Variants in CSMD1 observed in about 807,000 individuals in gnomAD.
CSMD1 encodes the protein CUB and sushi domain-containing protein 1.
In CSMD1, 213 loss-of-function variants were observed where a neutral mutation model predicts 417.5. The observed-to-expected ratio is 0.51, with a 90% CI of 0.46 to 0.57. The LOEUF (loss-of-function observed/expected upper bound fraction) is 0.57, where lower values mean the gene tolerates loss of function less well. Among genes scored for constraint, CSMD1 ranks in the 20% least tolerant of loss-of-function variants. CSMD1 has a pLI of 0.00. For missense variants in CSMD1, 6,923 were observed against 4,529.7 expected, an observed-to-expected ratio of 1.53 and a Z score of -15.17; for synonymous variants, 2,862 against 1,736.8, an observed-to-expected ratio of 1.65 and a Z score of -16.11.
chr8:3,610,633 T>G (rs1168871177), intron 8 of CSMD1, among the ~76,000 whole-genome samples: 1 of 152,118 alleles, frequency 6.6e-6, no homozygotes, highest in African/African-American at 2.4e-5. Flanking sequence ...ATAGATGACA[T>G]TCACTTCAAT....
intron 25 of CSMD1, among the ~76,000 whole-genome samples, chr8:3,290,226 G>C (rs1041502873): frequency 2.0e-5 from 3 of 147,304 alleles, no homozygotes; most frequent in East Asian, 2.0e-4. Flanking sequence ...TTTGGTTACT[G>C]TAGCCTTGTA....
chr8:4,138,282 C>G (rs201883409), intron 3 of CSMD1, among the ~76,000 whole-genome samples: 7,680 of 86,396 alleles, frequency 0.089, 2,358 homozygotes, highest in Non-Finnish European at 0.16. Context: ...AACTAAATGG[C>G]AAGATGCAGG....
chr8:4,939,537 C>A (rs1387417552), intron 1 of CSMD1, among the ~76,000 whole-genome samples: 1 of 152,048 alleles, frequency 6.6e-6, no homozygotes, highest in African/African-American at 2.4e-5. Flanking sequence ...TGAAATGAGC[C>A]AGGCGCAGAA....
intron 26 of CSMD1, among the ~76,000 whole-genome samples, chr8:3,266,327 C>T (rs756431758): frequency 4.6e-5 from 7 of 151,686 alleles, no homozygotes; most frequent in East Asian, 2.0e-4. Context: ...ACCACCCGGC[C>T]GGGCACAGTG....
chr8:3,427,273 T>A lies in CSMD1; in HGVS notation c.1562-17668A>T, dbSNP rs755297686. 2.0e-5 allele frequency among the ~76,000 whole-genome samples: 3 copies of A among 152,152 alleles called. No individual in the cohort carries two copies. The East Asian group carries it at 5.8e-4, about 29-fold the overall frequency. On this transcript the variant is annotated intron_variant, in intron 12 of 69. Coordinates refer to ENST00000635120, the MANE Select transcript of CSMD1 (RefSeq NM_033225.6). ...AGATTTTCAAGGCCAGCCTACTTCA[T>A]CGCAAACCACAAAATGACACAAATA...
Position 4,164,318 on chromosome 8 carries a change from T to G in CSMD1, c.416-132219A>C, listed in dbSNP as rs572072255. ...TGATAAATATAGAATCCATCTACAT[T>G]TAAAAACATATCTAAATAGTATTCA... On this transcript the variant is annotated intron_variant, in intron 3 of 69. Coordinates refer to ENST00000635120, the MANE Select transcript of CSMD1 (RefSeq NM_033225.6). Among the ~76,000 whole-genome samples the G allele has an allele frequency of 2.0e-5, 3 of 152,286 alleles. No individual in the cohort carries two copies. In the East Asian group the frequency reaches 5.8e-4, roughly 29 times the overall value.
At chr8:3,236,765 G>C (rs560861480) in intron 26 of CSMD1, among the ~76,000 whole-genome samples, 1 of 151,990 alleles carries the variant, frequency 6.6e-6, no homozygotes, top group African/African-American at 2.4e-5. Flanking sequence ...TGGATTTTTT[G>C]CTGACTCTGA....
chr8:3,361,744 A>G (rs1809197164), intron 20 of CSMD1, among the ~76,000 whole-genome samples: 1 of 151,810 alleles, frequency 6.6e-6, no homozygotes, highest in Non-Finnish European at 1.5e-5. Context: ...TATCTTATAT[A>G]AAGAAACACC....
intron 33 of CSMD1, among the ~76,000 whole-genome samples, 180 bp from the exon 34 acceptor site, chr8:3,190,295 G>C (rs1796335326): frequency 1.9e-5 from 2 of 104,452 alleles, no homozygotes; most frequent in African/African-American, 7.8e-5. Flanking sequence ...AGCTGGTGCA[G>C]ATAGAGAAGT....
chr8:3,587,366 G>T (rs1173347037), intron 8 of CSMD1, among the ~76,000 whole-genome samples: 1 of 152,126 alleles, frequency 6.6e-6, no homozygotes, highest in African/African-American at 2.4e-5. Context: ...TGTTACAAGA[G>T]GAAATTCTAC....
At chr8:4,918,112 C>T (rs181804077) in intron 1 of CSMD1, among the ~76,000 whole-genome samples, 1 of 152,038 alleles carries the variant, frequency 6.6e-6, no homozygotes, top group Non-Finnish European at 1.5e-5. Flanking sequence ...AATATGTATT[C>T]TATTACAAAA....
At chr8:3,880,122 G>C (rs935619452) in intron 5 of CSMD1, among the ~76,000 whole-genome samples, 2 of 152,000 alleles carry the variant, frequency 1.3e-5, no homozygotes, top group African/African-American at 2.4e-5. Context: ...ACTGTCACAA[G>C]TTTCTACTGT....
intron 25 of CSMD1, among the ~76,000 whole-genome samples, chr8:3,286,697 G>A (rs974355113): frequency 6.6e-6 from 1 of 151,592 alleles, no homozygotes; most frequent in Non-Finnish European, 1.5e-5. Context: ...AAATTTGTTA[G>A]AGTTCATTGT....
intron 3 of CSMD1, among the ~76,000 whole-genome samples, chr8:4,279,838 T>A (rs74766494): frequency 0.047 from 7,142 of 152,258 alleles, 287 homozygotes; most frequent in African/African-American, 0.1. Flanking sequence ...AGTGCTTGCC[T>A]GCAGCAGCTC....
chr8:2,937,621 T>C lies in CSMD1; in HGVS notation c.*964A>G, dbSNP rs1275528889. 6.6e-6 allele frequency: 1 copy of C among 152,278 alleles called. No homozygotes were observed. Among genetic ancestry groups the C allele is most frequent in the Non-Finnish European group, 1.5e-5 (1 of 68,012 alleles). 9.4% of individuals were successfully genotyped at this position (152,278 alleles called of 1,614,324 possible). On this transcript the variant is annotated 3_prime_UTR_variant, in exon 70 of 70. Transcript: ENST00000635120. ...AGAGACAGTAATTGGATGAGGATGG[T>C]ACTAAAGGAGGAAAACGTGTGAAAT...
At chr8:4,403,595 A>G (rs1296890376) in intron 3 of CSMD1, among the ~76,000 whole-genome samples, 1 of 151,454 alleles carries the variant, frequency 6.6e-6, no homozygotes, top group South Asian at 2.1e-4. Flanking sequence ...GACAGTACAC[A>G]CTCCTAAGAA....
chr8:4,239,357 C>T (rs907867468), intron 3 of CSMD1, among the ~76,000 whole-genome samples: 2 of 152,178 alleles, frequency 1.3e-5, no homozygotes, highest in Non-Finnish European at 2.9e-5. Context: ...GGTGGAACTG[C>T]CAATGAAGCT....
intron 42 of CSMD1, among the ~76,000 whole-genome samples, chr8:3,112,059 C>G (rs540239357): frequency 6.6e-6 from 1 of 152,006 alleles, no homozygotes; most frequent in African/African-American, 2.4e-5. Context: ...GAGGTCCAGG[C>G]TCTGCTCACA....
chr8:4,178,757 A>G (rs1472756676), intron 3 of CSMD1, among the ~76,000 whole-genome samples: 2 of 152,218 alleles, frequency 1.3e-5, no homozygotes, highest in African/African-American at 2.4e-5. Context: ...ATCAATGTAC[A>G]AAAATTACAA....
Sources: allele counts gnomAD v4.1 joint callset (sites outside exome capture counted in the v4.1 genomes callset), GRCh38; gene constraint gnomAD v4.1.1; transcripts MANE v1.5; gene names NCBI Gene and HGNC (gene_info 2026-07-23, HGNC 2026-07-21).